The following BCAS3 variants were observed in gnomAD, a reference collection of about 807,000 sequenced individuals.
BCAS3 encodes the protein BCAS4/BCAS3 fusion.
BCAS3 carries 53 observed loss-of-function variants against 116.1 expected under a neutral mutation model. The ratio of observed to expected loss-of-function variants is 0.46; its 90% CI spans 0.37 to 0.57. The LOEUF (loss-of-function observed/expected upper bound fraction) is 0.57, where lower values mean the gene tolerates loss of function less well. Among genes scored for constraint, BCAS3 ranks in the 20% least tolerant of loss-of-function variants. The pLI, the probability that BCAS3 is intolerant of heterozygous loss-of-function variation, is 0.00. For missense variants in BCAS3, 917 were observed against 1,165.4 expected, an observed-to-expected ratio of 0.79 and a Z score of 3.10; for synonymous variants, 391 against 408.2, an observed-to-expected ratio of 0.96 and a Z score of 0.51.
chr17:61,368,254 G>A lies in BCAS3; in HGVS notation c.2426-73G>A. On this transcript the variant is annotated intron_variant, in intron 22 of 23. Coordinates refer to ENST00000407086, the MANE Select transcript of BCAS3 (RefSeq NM_017679.5). This position sits in a 1 kb window ranked among gnomAD's most constrained non-coding sequence, Gnocchi z 6.0. ...GGACCCTGGGTATGGAGAGGAGCGG[G>A]TGGGAGGTAGACAAGAATGGCCTGC... The A allele has an allele frequency of 6.8e-7, 1 of 1,477,838 alleles. No homozygotes were observed. Among genetic ancestry groups the A allele is most frequent in the Non-Finnish European group, 9.2e-7 (1 of 1,090,578 alleles). 91.5% of individuals were successfully genotyped at this position (1,477,838 alleles called of 1,614,324 possible). A position where few individuals can be genotyped will look rare whatever the true frequency, so the allele number is the denominator to read the frequency against.
intron 15 of BCAS3, among the ~76,000 whole-genome samples, chr17:61,006,546 T>A (rs1282700769): frequency 6.6e-6 from 1 of 152,084 alleles, no homozygotes; most frequent in Non-Finnish European, 1.5e-5. Context: ...GAGGTAAAGA[T>A]GGGAGAGTTG....
chr17:61,052,715 C>CTTTTTTTTTTT (rs60772345), intron 19 of BCAS3, among the ~76,000 whole-genome samples: 11 of 124,946 alleles, frequency 8.8e-5, no homozygotes, highest in South Asian at 2.6e-4. Flanking sequence ...TTCTTTCTTT[C>CTTTTTTTTTTT]TTTTTTTTTT....
At chr17:60,793,667 C>T (rs1453630748) in intron 6 of BCAS3, among the ~76,000 whole-genome samples, 1 of 152,126 alleles carries the variant, frequency 6.6e-6, no homozygotes, top group Non-Finnish European at 1.5e-5. Context: ...GTTTTCCATT[C>T]CTAAGTTACT....
At chr17:61,014,026 C>T (rs2065275240) in intron 15 of BCAS3, among the ~76,000 whole-genome samples, 1 of 151,852 alleles carries the variant, frequency 6.6e-6, no homozygotes, top group Admixed American at 6.6e-5. Context: ...TTAGGACTTT[C>T]GGGGGGGATG....
intron 7 of BCAS3, among the ~76,000 whole-genome samples, chr17:60,867,114 GT>G (rs11396196): frequency 0.031 from 4,410 of 141,086 alleles, 159 homozygotes; most frequent in East Asian, 0.093. Flanking sequence ...TTTTGTTTTT[GT>G]TTTTTTTTTT....
At chr17:60,727,393 A>G in intron 5 of BCAS3, 1 of 1,601,688 alleles carries the variant, frequency 6.2e-7, no homozygotes, top group Non-Finnish European at 8.6e-7. Context: ...CATACAAGGA[A>G]TCCTTGCTCT....
At chr17:60,831,735 G>A (rs930633481) in intron 7 of BCAS3, among the ~76,000 whole-genome samples, 1 of 150,982 alleles carries the variant, frequency 6.6e-6, no homozygotes, top group Non-Finnish European at 1.5e-5. Context: ...CCTCTTTGGC[G>A]GTGGGTTTTT....
At position 61,285,779 on chromosome 17, in the gene BCAS3, T is replaced by G. The variant is rs1418937325; in HGVS notation, c.2426-82548T>G. Among the ~76,000 whole-genome samples the G allele has an allele frequency of 6.6e-6, 1 of 152,200 alleles. No individual in the cohort carries two copies. The highest frequency in any genetic ancestry group is 1.5e-5 in the Non-Finnish European group (1 of 68,034). ...GAGCTAGGAGCTGCGGATCTGCAGT[T>G]TCCCAAAGGTAAAGGAGCCTGCAGC... On this transcript the variant is annotated intron_variant, in intron 22 of 23. Transcript: ENST00000407086. This position sits in a 1 kb window ranked among gnomAD's most constrained non-coding sequence, Gnocchi z 5.4.
At chr17:61,045,858 T>TCC (rs2143101100) in intron 19 of BCAS3, among the ~76,000 whole-genome samples, 1 of 492 alleles carries the variant, frequency 2.0e-3, no homozygotes, top group Admixed American at 0.056. Flanking sequence ...TCTATATATA[T>TCC]ATATATAAAT....
chr17:61,132,825 C>T lies in BCAS3; in HGVS notation c.2425+48261C>T, dbSNP rs73324879. Among the ~76,000 whole-genome samples, 395 of 152,154 alleles carry T rather than the reference C, an allele frequency of 2.6e-3. 4 individuals carry two copies. The highest frequency in any genetic ancestry group is 9.0e-3 in the African/African-American group (372 of 41,512). On this transcript the variant is annotated intron_variant, in intron 22 of 23. Transcript: ENST00000407086. This position sits in a 1 kb window ranked among gnomAD's most constrained non-coding sequence, Gnocchi z 5.1. ...CTCCTTACCAGGTCTGTGTGGGTCACGGGGCAAGATCAAAGAATCCAAGCA... is the reference window on the plus strand; with the variant it reads ...CTCCTTACCAGGTCTGTGTGGGTCATGGGGCAAGATCAAAGAATCCAAGCA...
intron 6 of BCAS3, among the ~76,000 whole-genome samples, chr17:60,757,003 A>T (rs906501004): frequency 3.9e-5 from 6 of 152,194 alleles, no homozygotes; most frequent in African/African-American, 1.4e-4. Context: ...TTTCTACTAA[A>T]AATACAAAAA....
At position 60,995,041 on chromosome 17, in the gene BCAS3, C is replaced by T. The variant is rs1278919903; in HGVS notation, c.1486+4806C>T. Among the ~76,000 whole-genome samples the T allele has an allele frequency of 5.9e-5, 9 of 151,788 alleles. No individual in the cohort carries two copies. Among genetic ancestry groups the T allele is most frequent in the Non-Finnish European group, 1.0e-4 (7 of 67,914 alleles). ...CACCCAGGCTGGAGTGCAGTGGCGC[C>T]ATCTCGGCTCACTGCAAGCTCCGCC... On this transcript the variant is annotated intron_variant, in intron 15 of 23. Transcript: ENST00000407086. The surrounding 1 kb of genome is among the most constrained non-coding windows in gnomAD (Gnocchi z 4.7).
At chr17:61,027,681 A>G (rs2066353628) in intron 16 of BCAS3, among the ~76,000 whole-genome samples, 1 of 151,960 alleles carries the variant, frequency 6.6e-6, no homozygotes, top group Non-Finnish European at 1.5e-5. Flanking sequence ...CCCAATTGAC[A>G]CACTTACTAG....
rs981417265 is a variant in BCAS3 at position 61,368,251 on chromosome 17, C to T, written c.2426-76C>T. On this transcript the variant is annotated intron_variant, in intron 22 of 23. Coordinates refer to ENST00000407086, the MANE Select transcript of BCAS3 (RefSeq NM_017679.5). The surrounding 1 kb of genome is among the most constrained non-coding windows in gnomAD (Gnocchi z 6.0). Reference sequence around the variant, plus strand: ...AATGGACCCTGGGTATGGAGAGGAGCGGGTGGGAGGTAGACAAGAATGGCC... The same window carrying T: ...AATGGACCCTGGGTATGGAGAGGAGTGGGTGGGAGGTAGACAAGAATGGCC... 1.2e-5 allele frequency: 18 copies of T among 1,452,802 alleles called. No homozygotes were observed. Among genetic ancestry groups the T allele is most frequent in the East Asian group, 2.3e-5 (1 of 43,398 alleles). The allele number at this position is 1,452,802 out of a possible 1,614,324, so 90.0% of individuals were successfully genotyped here.
chr17:61,038,074 T>C lies in BCAS3; in HGVS notation c.1928+20T>C, dbSNP rs760506322. 10 of 1,602,154 alleles carry C rather than the reference T, an allele frequency of 6.2e-6. No individual in the cohort carries two copies. Among genetic ancestry groups the C allele is most frequent in the Non-Finnish European group, 7.7e-6 (9 of 1,174,694 alleles). ...GGTTAGGTAGTACCTCTTTTCTTTT[T>C]TTCTTTTTAACAGCTTCATTAAGGT... On this transcript the variant is annotated intron_variant, in intron 18 of 23. Coordinates refer to ENST00000407086, the MANE Select transcript of BCAS3 (RefSeq NM_017679.5).
intron 6 of BCAS3, among the ~76,000 whole-genome samples, chr17:60,802,405 A>G (rs2047897630): frequency 7.0e-6 from 1 of 143,222 alleles, no homozygotes; most frequent in Non-Finnish European, 1.5e-5. Flanking sequence ...TGTTTTTATC[A>G]TTCTTCAAGA....
rs2033650115 is a variant in BCAS3, at chr17:60,683,979, C to T, written c.84-3C>T. The stretch of plus-strand genomic sequence containing the variant: ...CAGTGTTGTCCATTTCACCCTTTTC[C>T]AGAGAGCAGTCCTACATGGAAAGTG... On this transcript the variant is annotated splice_region_variant and splice_polypyrimidine_tract_variant and intron_variant, in intron 2 of 23. Transcript: ENST00000407086. 6.2e-7 allele frequency: 1 copy of T among 1,613,086 alleles called. No individual in the cohort carries two copies. Among genetic ancestry groups the T allele is most frequent in the Non-Finnish European group, 8.5e-7 (1 of 1,179,340 alleles).
At chr17:60,870,178 T>C (rs1273467069) in intron 8 of BCAS3, among the ~76,000 whole-genome samples, 1 of 152,188 alleles carries the variant, frequency 6.6e-6, no homozygotes, top group Non-Finnish European at 1.5e-5. Context: ...ACATATAAAA[T>C]CACCTGTAGC....
chr17:61,017,549 G>A lies in BCAS3; in HGVS notation c.1637+1648G>A, dbSNP rs1400794627. Among the ~76,000 whole-genome samples, 1 of 152,156 alleles carries A rather than the reference G, an allele frequency of 6.6e-6. No individual in the cohort carries two copies. Among genetic ancestry groups the A allele is most frequent in the African/African-American group, 2.4e-5 (1 of 41,452 alleles). ...TGGAGTCATAAAAGCATATTCTGGT[G>A]CTTTGTTTCTGGTGCGTGTTTATTT... On this transcript the variant is annotated intron_variant, in intron 16 of 23. Transcript: ENST00000407086. This position sits in a 1 kb window ranked among gnomAD's most constrained non-coding sequence, Gnocchi z 4.7.
Sources: allele counts gnomAD v4.1 joint callset (sites outside exome capture counted in the v4.1 genomes callset), GRCh38; gene constraint gnomAD v4.1.1; non-coding constraint Gnocchi (gnomAD v3.1); transcripts MANE v1.5; gene names NCBI Gene and HGNC (gene_info 2026-07-23, HGNC 2026-07-21).